The following C16orf96 variants were observed in gnomAD, a reference collection of about 807,000 sequenced individuals.
The protein encoded by C16orf96 is uncharacterized protein C16orf96.
A neutral mutation model predicts 103.6 loss-of-function variants in C16orf96; 108 were observed. The ratio of observed to expected loss-of-function variants is 1.04; its 90% CI spans 0.89 to 1.22. The LOEUF (loss-of-function observed/expected upper bound fraction) is 1.22. Among genes scored for constraint, C16orf96 ranks in the 50% most tolerant of loss-of-function variants. The pLI is 0.00. For missense variants in C16orf96, 1,586 were observed against 1,464.2 expected (o/e 1.08, Z -1.36); for synonymous variants, 566 against 593.5 (o/e 0.95, Z 0.67).
intron 1 of C16orf96, among the ~76,000 whole-genome samples, chr16:4,559,005 A>G (rs2059299232): frequency 6.6e-6 from 1 of 151,664 alleles, no homozygotes; most frequent in African/African-American, 2.4e-5. Context: ...GAATCACTTG[A>G]GCCTGGAAGG....
At position 4,575,711 on chromosome 16, in the gene C16orf96, G is replaced by C; in HGVS notation, c.1231G>C (p.Gly411Arg). ...RVGSWPLWDLGVLRPTQPQPS... is the reference protein window; with the variant it reads ...RVGSWPLWDLRVLRPTQPQPS... The stretch of plus-strand genomic sequence containing the variant: ...GGGCTCTTGGCCTCTGTGGGACTTA[G>C]GTGTCCTGCGGCCAACTCAGCCCCA... The change falls in exon 5 of 16, where the codon GGT becomes CGT. Residue 411 changes from glycine (G) to arginine (R), a missense_variant. By Grantham distance (125) the Gly-to-Arg change is moderately radical. Transcript: ENST00000444310. 6.5e-7 allele frequency: 1 copy of C among 1,533,050 alleles called. No homozygotes were observed. The highest frequency in any genetic ancestry group is 8.8e-7 in the Non-Finnish European group (1 of 1,138,620). The allele number at this position is 1,533,050 out of a possible 1,614,324, so 95.0% of individuals were successfully genotyped here.
intron 1 of C16orf96, chr16:4,563,079 T>G (rs1241826980): frequency 3.7e-6 from 3 of 807,484 alleles, no homozygotes; most frequent in Non-Finnish European, 6.4e-6. Flanking sequence ...GTCTTTTGCT[T>G]CTTTACAGGT....
intron 1 of C16orf96, among the ~76,000 whole-genome samples, chr16:4,569,352 T>C (rs2059412971): frequency 6.6e-6 from 1 of 152,204 alleles, no homozygotes; most frequent in Non-Finnish European, 1.5e-5. Flanking sequence ...ATTTCTCCTT[T>C]TGTAACTGAG....
the C16orf96 span, among the ~76,000 whole-genome samples, chr16:4,549,197 G>A: frequency 2.0e-5 from 3 of 152,118 alleles, no homozygotes; most frequent in African/African-American, 4.8e-5. Context: ...ACACCAGGCC[G>A]GGCGCGGTGG....
chr16:4,579,307 C>T (rs1485288818), intron 6 of C16orf96, among the ~76,000 whole-genome samples: 2 of 152,006 alleles, frequency 1.3e-5, no homozygotes, highest in African/African-American at 2.4e-5. Context: ...AATCCCAACG[C>T]TTTACAAGGC....
chr16:4,541,204 G>A, the C16orf96 span, among the ~76,000 whole-genome samples: 11 of 152,300 alleles, frequency 7.2e-5, no homozygotes, highest in South Asian at 4.1e-4. Context: ...GAGCCACCGC[G>A]CCCGGCCTGG....
At position 4,593,337 on chromosome 16, in the gene C16orf96, G is replaced by A. The variant is rs373140346; in HGVS notation, c.2867+21G>A. 19 of 1,546,870 alleles carry A rather than the reference G, an allele frequency of 1.2e-5. No homozygotes were observed. Among genetic ancestry groups the A allele is most frequent in the Non-Finnish European group, 1.6e-5 (18 of 1,144,934 alleles). Reference sequence around the variant, plus strand: ...ATGAGGTGAGCAGGATGGGCGCCCCGCAGGGAGGCCGCCCCGCATGGAGGC... The same window carrying A: ...ATGAGGTGAGCAGGATGGGCGCCCCACAGGGAGGCCGCCCCGCATGGAGGC... On this transcript the variant is annotated intron_variant, in intron 12 of 15. Coordinates refer to ENST00000444310, the MANE Select transcript of C16orf96 (RefSeq NM_001145011.2). This position sits in a 1 kb window ranked among gnomAD's most constrained non-coding sequence, Gnocchi z 4.2.
At chr16:4,589,651 G>C (rs1050281824) in intron 9 of C16orf96, among the ~76,000 whole-genome samples, 1 of 151,856 alleles carries the variant, frequency 6.6e-6, no homozygotes, top group East Asian at 1.9e-4. Context: ...CACATGAAGA[G>C]ATTTTACTTG....
At chr16:4,542,766 C>T in the C16orf96 span, among the ~76,000 whole-genome samples, 18 of 151,872 alleles carry the variant, frequency 1.2e-4, no homozygotes, top group African/African-American at 4.1e-4. Flanking sequence ...CATTGCACTC[C>T]AGCCTGGGCG....
At chr16:4,586,368 A>C (rs1896928609) in intron 7 of C16orf96, among the ~76,000 whole-genome samples, 2 of 152,256 alleles carry the variant, frequency 1.3e-5, no homozygotes, top group Admixed American at 1.3e-4. Flanking sequence ...GATTCTGGGC[A>C]GCTGGGTTCC....
In C16orf96 at chr16:4,575,854, G is replaced by A. The variant is rs192811802; in HGVS notation, c.1374G>A (p.Gly458=). Residue 458 remains glycine (G), a synonymous_variant, in exon 5 of 16, where the codon GGG becomes GGA. Transcript: ENST00000444310. Reference sequence around the variant, plus strand: ...AGCTCGCAGCTGTCCAAGTAAAGGGGGAGGAAAATGATGTCCCCAGCCTAA... The same window carrying A: ...AGCTCGCAGCTGTCCAAGTAAAGGGAGAGGAAAATGATGTCCCCAGCCTAA... ...ALQLAAVQVK[G]EENDVPSLRG... The A allele has an allele frequency of 1.9e-6, 3 of 1,551,510 alleles. No homozygotes were observed. The highest frequency in any genetic ancestry group is 4.9e-5 in the East Asian group (2 of 40,914).
At chr16:4,574,453 C>T (rs2059476223) in intron 2 of C16orf96, among the ~76,000 whole-genome samples, 1 of 151,820 alleles carries the variant, frequency 6.6e-6, no homozygotes, top group African/African-American at 2.4e-5. Flanking sequence ...AACTCCTGAC[C>T]TCAAGTTATC....
At chr16:4,581,633 AAAAAACAAAAAC>A (rs897572215) in intron 7 of C16orf96, among the ~76,000 whole-genome samples, 2 of 151,956 alleles carry the variant, frequency 1.3e-5, no homozygotes, top group Non-Finnish European at 2.9e-5. Flanking sequence ...ACTCCGTCTC[AAAAAACAAAAAC>A]AAAAACAAAA....
intron 12 of C16orf96, among the ~76,000 whole-genome samples, chr16:4,594,040 C>G: frequency 6.6e-6 from 1 of 152,124 alleles, no homozygotes; most frequent in Non-Finnish European, 1.5e-5. Flanking sequence ...ACGTGGGGGC[C>G]TGTGCTGACT....
At chr16:4,594,656 C>A (rs1897132325) in intron 13 of C16orf96, 48 bp from the exon 14 acceptor site, 1 of 1,546,178 alleles carries the variant, frequency 6.5e-7, no homozygotes, top group South Asian at 1.2e-5. Context: ...AGTTCGGGGG[C>A]AGATCGGGTC....
intron 1 of C16orf96, among the ~76,000 whole-genome samples, chr16:4,569,668 G>T (rs551775528): frequency 6.8e-5 from 10 of 146,100 alleles, no homozygotes; most frequent in African/African-American, 1.2e-4. Flanking sequence ...GGAGGTGAAG[G>T]TTGCCTAGGT....
the C16orf96 span, among the ~76,000 whole-genome samples, chr16:4,548,718 C>T: frequency 6.6e-6 from 1 of 151,976 alleles, no homozygotes; most frequent in Non-Finnish European, 1.5e-5. Flanking sequence ...ACTAAAGATA[C>T]AAAAATTAGT....
chr16:4,596,550 C>T (rs939289878), intron 14 of C16orf96, among the ~76,000 whole-genome samples: 73 of 150,660 alleles, frequency 4.8e-4, no homozygotes, highest in Non-Finnish European at 2.1e-4. Context: ...GGCATGGTGG[C>T]GTGCGCCTGT....
chr16:4,585,224 G>A (rs1484169738), intron 7 of C16orf96, among the ~76,000 whole-genome samples: 1 of 150,458 alleles, frequency 6.6e-6, no homozygotes, highest in Non-Finnish European at 1.5e-5. Context: ...AGGCTGATGG[G>A]GGAGGATCCT....
Sources: gnomAD v4.1 joint callset for allele counts (sites outside exome capture counted in the v4.1 genomes callset) on GRCh38, gnomAD v4.1.1 for gene constraint, Gnocchi (gnomAD v3.1) non-coding constraint, MANE v1.5 for transcripts, NCBI Gene and HGNC (gene_info 2026-07-23, HGNC 2026-07-21) for gene names.